HS6ST3: variants seen among roughly 807,000 people sequenced by gnomAD.
HS6ST3 encodes heparan-sulfate 6-O-sulfotransferase 3.
In HS6ST3, 12 loss-of-function variants were observed where a neutral mutation model predicts 36.7. That is an observed-to-expected ratio of 0.33 (90% confidence interval 0.21 to 0.53). HS6ST3 has a LOEUF of 0.53. Ranked by LOEUF, HS6ST3 falls within the 20% of genes least tolerant of loss-of-function variation. The pLI, the probability that HS6ST3 is intolerant of heterozygous loss-of-function variation, is 0.95. For synonymous variants in HS6ST3, 240 were observed against 257.5 expected (o/e 0.93, Z 0.65); for missense variants, 584 against 640.9 (o/e 0.91, Z 0.96).
chr13:96,206,224 A>G (rs958893309), intron 1 of HS6ST3, among the ~76,000 whole-genome samples: 3 of 152,208 alleles, frequency 2.0e-5, no homozygotes, highest in Admixed American at 6.5e-5. Flanking sequence ...TACCATGAAG[A>G]GAATAAAATA....
intron 1 of HS6ST3, among the ~76,000 whole-genome samples, chr13:96,630,363 A>G (rs1252444148): frequency 6.6e-6 from 1 of 152,186 alleles, no homozygotes; most frequent in East Asian, 1.9e-4. Flanking sequence ...CACTGGAGAC[A>G]CATTTAATTA....
intron 1 of HS6ST3, among the ~76,000 whole-genome samples, chr13:96,259,994 T>C (rs894933194): frequency 1.3e-4 from 20 of 152,208 alleles, no homozygotes; most frequent in African/African-American, 4.8e-4. Context: ...ACTTGAGTGA[T>C]GATTATATTG....
rs548909080 is a variant in HS6ST3, at chr13:96,790,812, G to A, written c.708-41678G>A. ...TCACAGGTGATTCTAAGATTCAAAT[G>A]CCCAGCCTTGATTCAGAGTGACTTT... On this transcript the variant is annotated intron_variant, in intron 1 of 1. Transcript: ENST00000376705. Among the ~76,000 whole-genome samples the A allele has an allele frequency of 3.9e-5, 6 of 152,094 alleles. No individual in the cohort carries two copies. In the South Asian group the frequency reaches 8.3e-4, roughly 21 times the overall value.
At chr13:96,496,641 A>C (rs2055978396) in intron 1 of HS6ST3, among the ~76,000 whole-genome samples, 2 of 152,192 alleles carry the variant, frequency 1.3e-5, no homozygotes, top group Non-Finnish European at 2.9e-5. Context: ...GCCAATGAAG[A>C]AGCCATCTCA....
intron 1 of HS6ST3, among the ~76,000 whole-genome samples, chr13:96,134,821 C>T (rs184521509): frequency 6.6e-6 from 1 of 152,180 alleles, no homozygotes; most frequent in East Asian, 1.9e-4. Context: ...CATGGATACC[C>T]CTAGAATTGC....
intron 1 of HS6ST3, among the ~76,000 whole-genome samples, chr13:96,649,829 C>T (rs1377142605): frequency 1.3e-5 from 2 of 152,080 alleles, no homozygotes; most frequent in African/African-American, 4.8e-5. Flanking sequence ...CCTTTCATTT[C>T]ACTCAGAGTA....
intron 1 of HS6ST3, among the ~76,000 whole-genome samples, chr13:96,329,051 A>G (rs1206033442): frequency 7.5e-5 from 11 of 147,266 alleles, no homozygotes; most frequent in South Asian, 2.2e-4. Context: ...TTTTTATTGC[A>G]TCTATTTGAT....
chr13:96,520,813 C>G (rs1223956048), intron 1 of HS6ST3, among the ~76,000 whole-genome samples: 2 of 152,202 alleles, frequency 1.3e-5, no homozygotes, highest in Admixed American at 6.5e-5. Flanking sequence ...TTGACTTTCT[C>G]TCTTCCTATT....
intron 1 of HS6ST3, among the ~76,000 whole-genome samples, chr13:96,697,608 A>G (rs1481219975): frequency 1.3e-5 from 2 of 152,186 alleles, no homozygotes; most frequent in Non-Finnish European, 2.9e-5. Flanking sequence ...TAAAAATCCT[A>G]AAAATGTCCA....
chr13:96,432,312 C>T (rs1368489861), intron 1 of HS6ST3, among the ~76,000 whole-genome samples: 1 of 152,124 alleles, frequency 6.6e-6, no homozygotes, highest in Non-Finnish European at 1.5e-5. Context: ...ACATTGCTTT[C>T]CTAATACTGA....
chr13:96,507,685 T>C (rs937225290), intron 1 of HS6ST3, among the ~76,000 whole-genome samples: 4 of 152,020 alleles, frequency 2.6e-5, no homozygotes, highest in Non-Finnish European at 4.4e-5. Context: ...TTATTATCTC[T>C]CTAAAAAGGC....
Position 96,301,521 on chromosome 13 carries a change from G to A in HS6ST3, c.707+209952G>A, listed in dbSNP as rs1186207295. Among the ~76,000 whole-genome samples the A allele has an allele frequency of 3.3e-5, 5 of 152,268 alleles. No individual in the cohort carries two copies. The South Asian group carries it at 8.3e-4, about 25-fold the overall frequency. ...TCTGTCTCTCTCTATCTCTGTGACCGTGATATAATACTTAACTTCTCTGAG... is the reference window on the plus strand; with the variant it reads ...TCTGTCTCTCTCTATCTCTGTGACCATGATATAATACTTAACTTCTCTGAG... On this transcript the variant is annotated intron_variant, in intron 1 of 1. Transcript: ENST00000376705.
chr13:96,291,750 A>G (rs540080530), intron 1 of HS6ST3, among the ~76,000 whole-genome samples: 1 of 152,340 alleles, frequency 6.6e-6, no homozygotes, highest in South Asian at 2.1e-4. Context: ...TGCTAGCAAA[A>G]TTAAAACCAA....
At chr13:96,369,823 G>C (rs867771899) in intron 1 of HS6ST3, among the ~76,000 whole-genome samples, 7 of 152,214 alleles carry the variant, frequency 4.6e-5, no homozygotes, top group Non-Finnish European at 8.8e-5. Flanking sequence ...GAGAAAATTC[G>C]GAATGCCAGG....
intron 1 of HS6ST3, among the ~76,000 whole-genome samples, chr13:96,236,075 C>A (rs2054533213): frequency 6.6e-6 from 1 of 152,168 alleles, no homozygotes; most frequent in African/African-American, 2.4e-5. Context: ...AGCTGAACAA[C>A]TTGGAGTCCG....
chr13:96,460,361 G>A (rs1372077593), intron 1 of HS6ST3, among the ~76,000 whole-genome samples: 1 of 152,136 alleles, frequency 6.6e-6, no homozygotes, highest in Non-Finnish European at 1.5e-5. Context: ...TTAAGTTGTC[G>A]ATGGTTTTAT....
At chr13:96,410,825 G>T (rs1164508880) in intron 1 of HS6ST3, among the ~76,000 whole-genome samples, 1 of 151,988 alleles carries the variant, frequency 6.6e-6, no homozygotes, top group African/African-American at 2.4e-5. Context: ...CTAAATGCCA[G>T]TCATGGTGTC....
intron 1 of HS6ST3, among the ~76,000 whole-genome samples, chr13:96,795,371 G>A (rs1330217541): frequency 6.6e-6 from 1 of 151,870 alleles, no homozygotes; most frequent in African/African-American, 2.4e-5. Flanking sequence ...TAATTTCTCT[G>A]ACAAGTCTCT....
chr13:96,345,616 G>A (rs1455199695), intron 1 of HS6ST3, among the ~76,000 whole-genome samples: 1 of 152,156 alleles, frequency 6.6e-6, no homozygotes, highest in African/African-American at 2.4e-5. Context: ...CTCTGTGGCA[G>A]CAATCCCCAA....
Sources: allele counts gnomAD v4.1 joint callset (sites outside exome capture counted in the v4.1 genomes callset), GRCh38; gene constraint gnomAD v4.1.1; transcripts MANE v1.5; gene names NCBI Gene and HGNC (gene_info 2026-07-23, HGNC 2026-07-21).